WSB2: variants seen among roughly 807,000 people sequenced by gnomAD.
WSB2 encodes WD repeat and SOCS box-containing protein 2.
In WSB2, 12 loss-of-function variants were observed where a neutral mutation model predicts 48.8. The ratio of observed to expected loss-of-function variants is 0.25; its 90% CI spans 0.16 to 0.40. The LOEUF is 0.40. Among genes scored for constraint, WSB2 ranks in the 10% least tolerant of loss-of-function variants. WSB2 has a pLI of 1.00. For synonymous variants in WSB2, 191 were observed against 203.1 expected (o/e 0.94, Z 0.51); for missense variants, 317 against 506.2 (o/e 0.63, Z 3.59).
At chr12:118,058,907 G>A (rs1476582099) in intron 1 of WSB2, among the ~76,000 whole-genome samples, 1 of 151,994 alleles carries the variant, frequency 6.6e-6, no homozygotes, top group African/African-American at 2.4e-5. Context: ...TGTTGGTGAG[G>A]CTGGTCTCGA....
intron 1 of WSB2, among the ~76,000 whole-genome samples, chr12:118,054,617 C>T (rs536625647): frequency 2.0e-5 from 3 of 151,886 alleles, no homozygotes; most frequent in Admixed American, 6.6e-5. Context: ...GCAGAGGTTG[C>T]GGTGAGCTGA....
At chr12:118,034,928 G>A in intron 8 of WSB2, 58 bp downstream of exon 8, 1 of 1,511,270 alleles carries the variant, frequency 6.6e-7, no homozygotes, top group Non-Finnish European at 9.1e-7. Flanking sequence ...TCCTTAAAAA[G>A]CTCCATGGTA....
At chr12:118,042,814 G>C in intron 4 of WSB2, 27 bp downstream of exon 4, 1 of 1,606,146 alleles carries the variant, frequency 6.2e-7, no homozygotes, top group Non-Finnish European at 8.5e-7. Context: ...TTTTGGAGTT[G>C]CCGAGTAGTT....
chr12:118,034,776 T>G (rs1199933758), intron 8 of WSB2: 1 of 577,076 alleles, frequency 1.7e-6, no homozygotes, highest in Non-Finnish European at 3.0e-6. Flanking sequence ...TGGCATGACT[T>G]ACAGATCTTT....
intron 2 of WSB2, among the ~76,000 whole-genome samples, chr12:118,051,749 G>C (rs7963217): frequency 0.031 from 4,795 of 152,342 alleles, 250 homozygotes; most frequent in African/African-American, 0.11. Context: ...CGAGGTGGGT[G>C]AATCACTTGA....
chr12:118,043,301 T>C lies in WSB2; in HGVS notation c.259A>G (p.Thr87Ala). The C allele has an allele frequency of 6.2e-7, 1 of 1,613,602 alleles. No homozygotes were observed. The highest frequency in any genetic ancestry group is 2.2e-5 in the East Asian group (1 of 44,864). ...TKGRGSPKEK[T>A]LDCGQIVWGL... Reference sequence around the variant, plus strand: ...CAGACAATCTGACCACAGTCCAGCGTCTTCTCTTTTGGGCTGCCCCGCCCT... The same window carrying C: ...CAGACAATCTGACCACAGTCCAGCGCCTTCTCTTTTGGGCTGCCCCGCCCT... The change falls in exon 3 of 9, where the codon ACG (threonine) becomes GCG (alanine). Residue 87 changes from threonine (T) to alanine (A), a missense_variant. This residue lies in a region of WSB2 where 128 missense variants were observed against 156.7 expected (regional missense o/e 0.82). Transcript: ENST00000315436.
upstream of WSB2, among the ~76,000 whole-genome samples, chr12:118,061,379 T>TA (rs1198591284): frequency 1.5e-5 from 1 of 66,528 alleles, no homozygotes; most frequent in African/African-American, 6.2e-5. Flanking sequence ...GCGAACCAGA[T>TA]AAAAATGGGG....
rs944717095 is a variant in WSB2, at chr12:118,036,141, G to A, written c.833+197C>T. ...CGCTTGAACCCGGGAGGTGGAGGTT[G>A]CAGTGATCCAAGATTGCGCCACTGC... On this transcript the variant is annotated intron_variant, in intron 6 of 8. Coordinates refer to ENST00000315436, the MANE Select transcript of WSB2 (RefSeq NM_018639.5). 2.2e-5 allele frequency: 12 copies of A among 547,710 alleles called. No individual in the cohort carries two copies. The East Asian group carries it at 3.1e-4, about 14-fold the overall frequency. The allele number at this position is 547,710 out of a possible 1,614,324, so 33.9% of individuals were successfully genotyped here. A position where few individuals can be genotyped will look rare whatever the true frequency, so the allele number is the denominator to read the frequency against.
In WSB2 at chr12:118,046,665, A is replaced by C. The variant is rs111332602; in HGVS notation, c.183-3288T>G. Among the ~76,000 whole-genome samples, 495 of 152,338 alleles carry C rather than the reference A, an allele frequency of 3.2e-3. 4 individuals carry two copies. Among genetic ancestry groups the C allele is most frequent in the African/African-American group, 0.011 (475 of 41,590 alleles). ...GGCCCCTGAGTTTGTTGTCACGAGA[A>C]GCAGCACTTAAGAGGCAGGCTATGG... is the stretch of plus-strand genomic sequence containing the variant. On this transcript the variant is annotated intron_variant, in intron 2 of 8. Transcript: ENST00000315436.
In WSB2 at chr12:118,052,586, C is replaced by T. The variant is rs956472800; in HGVS notation, c.14-108G>A. 7.2e-6 allele frequency: 11 copies of T among 1,519,682 alleles called. No homozygotes were observed. The Admixed American group carries it at 1.6e-4, about 22-fold the overall frequency. 94.1% of individuals were successfully genotyped at this position (1,519,682 alleles called of 1,614,324 possible). A position where few individuals can be genotyped will look rare whatever the true frequency, so the allele number is the denominator to read the frequency against. ...TGGCAAAGAGCCACACTATCCATTC[C>T]CAGAGGGAGTTGTCACTTAAATGAC... On this transcript the variant is annotated intron_variant, in intron 1 of 8. Transcript: ENST00000315436.
chr12:118,037,665 T>C (rs1408508732), intron 5 of WSB2, among the ~76,000 whole-genome samples: 1 of 137,342 alleles, frequency 7.3e-6, no homozygotes, highest in Non-Finnish European at 1.6e-5. Context: ...CGAAACTCTG[T>C]CTAAAAAAAA....
intron 1 of WSB2, among the ~76,000 whole-genome samples, chr12:118,053,866 T>C (rs1328391828): frequency 1.3e-5 from 2 of 152,192 alleles, no homozygotes; most frequent in Non-Finnish European, 2.9e-5. Flanking sequence ...CAGATAGATA[T>C]TCATTTTTAA....
intron 4 of WSB2, among the ~76,000 whole-genome samples, chr12:118,041,290 A>G (rs1315455186): frequency 6.6e-6 from 1 of 152,184 alleles, no homozygotes; most frequent in Non-Finnish European, 1.5e-5. Flanking sequence ...AAGAAGAGAC[A>G]TGAAAGAGAG....
intron 1 of WSB2, among the ~76,000 whole-genome samples, chr12:118,053,531 T>C (rs367940419): frequency 7.6e-4 from 115 of 152,292 alleles, no homozygotes; most frequent in African/African-American, 2.7e-3. Context: ...CATCAGTGTC[T>C]AAGCACCTTG....
At chr12:118,050,424 G>A (rs974581431) in intron 2 of WSB2, among the ~76,000 whole-genome samples, 3 of 152,098 alleles carry the variant, frequency 2.0e-5, no homozygotes, top group Non-Finnish European at 2.9e-5. Flanking sequence ...TGAGGCGGGA[G>A]GATTTCTTGA....
chr12:118,054,112 C>T (rs2031905225), intron 1 of WSB2, among the ~76,000 whole-genome samples: 1 of 149,082 alleles, frequency 6.7e-6, no homozygotes, highest in Non-Finnish European at 1.5e-5. Flanking sequence ...TGGCTCACAT[C>T]TGTAATCCCA....
chr12:118,058,495 C>T (rs1268019835), intron 1 of WSB2, among the ~76,000 whole-genome samples: 1 of 151,694 alleles, frequency 6.6e-6, no homozygotes, highest in African/African-American at 2.4e-5. Flanking sequence ...ACTACAGGCA[C>T]ATTCTACCAT....
At chr12:118,044,626 T>A (rs2031709015) in intron 2 of WSB2, among the ~76,000 whole-genome samples, 1 of 152,060 alleles carries the variant, frequency 6.6e-6, no homozygotes, top group Non-Finnish European at 1.5e-5. Flanking sequence ...TCCTGGAAGA[T>A]CTCTTAATCC....
At chr12:118,045,319 C>G (rs184113269) in intron 2 of WSB2, among the ~76,000 whole-genome samples, 2 of 150,674 alleles carry the variant, frequency 1.3e-5, no homozygotes, top group Non-Finnish European at 2.9e-5. Flanking sequence ...GAGCTGAGAT[C>G]GCACCACTGC....
Sources: allele counts gnomAD v4.1 joint callset (sites outside exome capture counted in the v4.1 genomes callset), GRCh38; gene constraint gnomAD v4.1.1; regional missense constraint gnomAD v4.1.1; transcripts MANE v1.5; gene names NCBI Gene and HGNC (gene_info 2026-07-23, HGNC 2026-07-21).